VAX1: variants seen among roughly 807,000 people sequenced by gnomAD.
VAX1 encodes ventral anterior homeobox 1.
A neutral mutation model predicts 17.6 loss-of-function variants in VAX1; 6 were observed. The ratio of observed to expected loss-of-function variants is 0.34; its 90% CI spans 0.19 to 0.67. The LOEUF (loss-of-function observed/expected upper bound fraction) is 0.67, where lower values mean the gene tolerates loss of function less well. VAX1 is among the 30% of genes least tolerant of loss of function. The pLI, the probability that VAX1 is intolerant of heterozygous loss-of-function variation, is 0.69. For synonymous variants in VAX1, 256 were observed against 227.4 expected, an observed-to-expected ratio of 1.13 and a Z score of -1.13; for missense variants, 408 against 463.7, an observed-to-expected ratio of 0.88 and a Z score of 1.10.
In VAX1 at chr10:117,138,162, C is replaced by T. The variant is rs1854225237; in HGVS notation, c.-106G>A. ...AAAGAGGAAAAAGGGGACAAAACCC[C>T]CGACAACGCGGCCCGTACGCCCGGC... is the stretch of plus-strand genomic sequence containing the variant. On this transcript the variant is annotated 5_prime_UTR_variant, in exon 1 of 3. Transcript: ENST00000369206. The T allele has an allele frequency of 5.0e-6, 6 of 1,200,656 alleles. No homozygotes were observed. Among genetic ancestry groups the T allele is most frequent in the Admixed American group, 2.7e-5 (1 of 37,470 alleles). 74.4% of individuals were successfully genotyped at this position (1,200,656 alleles called of 1,614,324 possible).
Position 117,137,697 on chromosome 10 carries a change from A to G in VAX1, c.241+119T>C, listed in dbSNP as rs1231813419. 5.7e-6 allele frequency: 9 copies of G among 1,578,486 alleles called. No homozygotes were observed. Among genetic ancestry groups the G allele is most frequent in the Non-Finnish European group, 6.8e-6 (8 of 1,172,506 alleles). On this transcript the variant is annotated intron_variant, in intron 1 of 2. Transcript: ENST00000369206. The surrounding 1 kb of genome is among the most constrained non-coding windows in gnomAD (Gnocchi z 7.4). Reference sequence around the variant, plus strand: ...CGGACTCGGGGCGGGGAGGGCCAACAACTTTCTCCCAAGTCCCAGCCGGCA... The same window carrying G: ...CGGACTCGGGGCGGGGAGGGCCAACGACTTTCTCCCAAGTCCCAGCCGGCA...
chr10:117,136,183 G>A lies in VAX1; in HGVS notation c.429+289C>T, dbSNP rs965103851. 2.0e-5 allele frequency among the ~76,000 whole-genome samples: 3 copies of A among 152,238 alleles called. No homozygotes were observed. Among genetic ancestry groups the A allele is most frequent in the South Asian group, 2.1e-4 (1 of 4,834 alleles). On this transcript the variant is annotated intron_variant, in intron 2 of 2. Coordinates refer to ENST00000369206, the MANE Select transcript of VAX1 (RefSeq NM_001112704.2). The surrounding 1 kb of genome is among the most constrained non-coding windows in gnomAD (Gnocchi z 5.0). ...AAGCTCGAAGGAAATGCTCAAAACCGGGGGACAATAAAAATTCCAAAAGGA... is the reference window on the plus strand; with the variant it reads ...AAGCTCGAAGGAAATGCTCAAAACCAGGGGACAATAAAAATTCCAAAAGGA...
At chr10:117,132,050 G>A, downstream of VAX1, 1 of 679,492 alleles carries the variant, frequency 1.5e-6, no homozygotes, top group Non-Finnish European at 2.4e-6. This position sits in a 1 kb window ranked among gnomAD's most constrained non-coding sequence, Gnocchi z 4.9. Flanking sequence ...AGGAGGGTCT[G>A]AGGGGCCGAC....
downstream of VAX1, chr10:117,132,250 G>A (rs376529042): frequency 3.1e-6 from 5 of 1,613,976 alleles, no homozygotes; most frequent in Non-Finnish European, 3.4e-6. This position sits in a 1 kb window ranked among gnomAD's most constrained non-coding sequence, Gnocchi z 4.9. Context: ...TCCCCACGCC[G>A]AGACTCATCA....
In VAX1 at chr10:117,133,668, T is replaced by C. The variant is rs558179571; in HGVS notation, c.*340A>G. The C allele has an allele frequency of 4.9e-6, 5 of 1,029,088 alleles. No homozygotes were observed. The highest frequency in any genetic ancestry group is 8.7e-5 in the East Asian group (1 of 11,534). 63.7% of individuals were successfully genotyped at this position (1,029,088 alleles called of 1,614,324 possible). A position where few individuals can be genotyped will look rare whatever the true frequency, so the allele number is the denominator to read the frequency against. Reference sequence around the variant, plus strand: ...AGCCGCGGATCTAGAGCAAACGTCCTGTGCTTTGGAGTTAGAACCAGTCTT... The same window carrying C: ...AGCCGCGGATCTAGAGCAAACGTCCCGTGCTTTGGAGTTAGAACCAGTCTT... On this transcript the variant is annotated 3_prime_UTR_variant, in exon 3 of 3. Coordinates refer to ENST00000369206, the MANE Select transcript of VAX1 (RefSeq NM_001112704.2).
In VAX1 at chr10:117,134,616, AG is replaced by A; in HGVS notation, c.430-34del. The A allele has an allele frequency of 1.4e-6, 2 of 1,478,416 alleles. No individual in the cohort carries two copies. 91.6% of individuals were successfully genotyped at this position (1,478,416 alleles called of 1,614,324 possible). On this transcript the variant is annotated intron_variant, in intron 2 of 2. Coordinates refer to ENST00000369206, the MANE Select transcript of VAX1 (RefSeq NM_001112704.2). This position sits in a 1 kb window ranked among gnomAD's most constrained non-coding sequence, Gnocchi z 6.2. Reference sequence around the variant, plus strand: ...CCGGGGTGCGGGGAGAGTTGGAGAGAGGGGCAGGGAAGACCAGCGTCAAAGG... The same window carrying A: ...CCGGGGTGCGGGGAGAGTTGGAGAGAGGGCAGGGAAGACCAGCGTCAAAGG...
chr10:117,134,527 G>C lies in VAX1; in HGVS notation c.486C>G (p.Asp162Glu). Residue 162 changes from aspartate (D) to glutamate (E), a missense_variant, in exon 3 of 3, where the codon GAC becomes GAG. Asp to Glu is a conservative substitution (Grantham distance 45, BLOSUM62 2). Coordinates refer to ENST00000369206, the MANE Select transcript of VAX1 (RefSeq NM_001112704.2). The surrounding 1 kb of genome is among the most constrained non-coding windows in gnomAD (Gnocchi z 6.2). Reference sequence around the variant, plus strand: ...CCGACACCACCGAGCGTAGCTCCGAGTCCTTGCCCTGGTCCTTCTTCTGCT... The same window carrying C: ...CCGACACCACCGAGCGTAGCTCCGACTCCTTGCCCTGGTCCTTCTTCTGCT... ...RTKQKKDQGK[D>E]SELRSVVSET... 2 of 1,533,186 alleles carry C rather than the reference G, an allele frequency of 1.3e-6. No homozygotes were observed. Among genetic ancestry groups the C allele is most frequent in the Non-Finnish European group, 1.8e-6 (2 of 1,142,396 alleles). 95.0% of individuals were successfully genotyped at this position (1,533,186 alleles called of 1,614,324 possible).
At chr10:117,131,818 C>A (rs766403126), downstream of VAX1, 6 of 188,138 alleles carry the variant, frequency 3.2e-5, no homozygotes, top group Non-Finnish European at 6.5e-5. Flanking sequence ...GTCTCCTGCT[C>A]CTTCAAAGTT....
chr10:117,133,749 T>C lies in VAX1; in HGVS notation c.*259A>G. ...CATCAGGTTGACTAACTCGGGCATT[T>C]TTCCCAATTCTTTGGATCGCTCCTG... is the stretch of plus-strand genomic sequence containing the variant. On this transcript the variant is annotated 3_prime_UTR_variant, in exon 3 of 3. Transcript: ENST00000369206. 8.2e-7 allele frequency: 1 copy of C among 1,220,422 alleles called. No homozygotes were observed. The highest frequency in any genetic ancestry group is 4.0e-5 in the East Asian group (1 of 24,792). The allele number at this position is 1,220,422 out of a possible 1,614,324, so 75.6% of individuals were successfully genotyped here. A position where few individuals can be genotyped will look rare whatever the true frequency, so the allele number is the denominator to read the frequency against.
At position 117,138,196 on chromosome 10, in the gene VAX1, AG is replaced by A; in HGVS notation, c.-141del. On this transcript the variant is annotated 5_prime_UTR_variant, in exon 1 of 3. Coordinates refer to ENST00000369206, the MANE Select transcript of VAX1 (RefSeq NM_001112704.2). ...CGGCCCGTACGCCCGGCCCGGCGAC[AG>A]GCAAGGGGCAAGAATGAATGTCCCC... 9.6e-7 allele frequency: 1 copy of A among 1,045,042 alleles called. No homozygotes were observed. The highest frequency in any genetic ancestry group is 1.5e-5 in the South Asian group (1 of 66,600). The allele number at this position is 1,045,042 out of a possible 1,614,324, so 64.7% of individuals were successfully genotyped here.
Position 117,136,569 on chromosome 10 carries a change from T to C in VAX1, c.332A>G (p.Gln111Arg). The C allele has an allele frequency of 6.2e-7, 1 of 1,613,872 alleles. No homozygotes were observed. The highest frequency in any genetic ancestry group is 8.5e-7 in the Non-Finnish European group (1 of 1,180,026). The change falls in exon 2 of 3, where the codon CAG (glutamine) becomes CGG (arginine). Residue 111 changes from glutamine (Q) to arginine (R), a missense_variant. By Grantham distance (43) the Gln-to-Arg change is conservative. This residue lies in a region of VAX1 where 75 missense variants were observed against 116.1 expected (regional missense o/e 0.65). Transcript: ENST00000369206. This position sits in a 1 kb window ranked among gnomAD's most constrained non-coding sequence, Gnocchi z 5.0. ...KRTRTSFTAE[Q>R]LYRLEMEFQR... The stretch of plus-strand genomic sequence containing the variant: ...GAACTCCATCTCCAGCCGATAGAGC[T>C]GCTCCGCGGTGAAGGACGTGCGCGT...
downstream of VAX1, chr10:117,130,132 C>T (rs1346230798): frequency 2.0e-5 from 3 of 152,202 alleles, no homozygotes; most frequent in East Asian, 5.8e-4. Context: ...AGCTTACAAT[C>T]TTGGGTTCTG....
rs1443317614 is a variant in VAX1, at chr10:117,138,110, AG to A, written c.-55del. The A allele has an allele frequency of 1.6e-5, 2 of 123,466 alleles. No homozygotes were observed. Among genetic ancestry groups the A allele is most frequent in the African/African-American group, 2.5e-4 (1 of 3,986 alleles). The allele number at this position is 123,466 out of a possible 1,614,324, so 7.6% of individuals were successfully genotyped here. On this transcript the variant is annotated 5_prime_UTR_variant, in exon 1 of 3. Coordinates refer to ENST00000369206, the MANE Select transcript of VAX1 (RefSeq NM_001112704.2). ...GAAAAAAAAAGCAAAAAAAAAAAAA[AG>A]GGGGGGGGGCGGAGAAGGAAAAAAA...
chr10:117,137,803 T>C lies in VAX1; in HGVS notation c.241+13A>G. The C allele has an allele frequency of 6.2e-7, 1 of 1,611,144 alleles. No homozygotes were observed. The highest frequency in any genetic ancestry group is 1.1e-5 in the South Asian group (1 of 90,958). ...CCCCAAAGAACGCGCCTGGCAGCCC[T>C]GCCCATCCCTACCTCGGACCAGGAT... is the stretch of plus-strand genomic sequence containing the variant. On this transcript the variant is annotated intron_variant, in intron 1 of 2. Transcript: ENST00000369206. The surrounding 1 kb of genome is among the most constrained non-coding windows in gnomAD (Gnocchi z 7.4).
chr10:117,138,129 G>C lies in VAX1; in HGVS notation c.-73C>G. 2.0e-6 allele frequency: 1 copy of C among 498,184 alleles called. No homozygotes were observed. Among genetic ancestry groups the C allele is most frequent in the Non-Finnish European group, 3.1e-6 (1 of 320,764 alleles). 30.9% of individuals were successfully genotyped at this position (498,184 alleles called of 1,614,324 possible). On this transcript the variant is annotated 5_prime_UTR_variant, in exon 1 of 3. Coordinates refer to ENST00000369206, the MANE Select transcript of VAX1 (RefSeq NM_001112704.2). ...AAAAAAAGGGGGGGGGGCGGAGAAGGAAAAAAAAAAGAGGAAAAAGGGGAC... is the reference window on the plus strand; with the variant it reads ...AAAAAAAGGGGGGGGGGCGGAGAAGCAAAAAAAAAAGAGGAAAAAGGGGAC...
downstream of VAX1, chr10:117,132,577 G>T: frequency 7.3e-7 from 1 of 1,360,548 alleles, no homozygotes; most frequent in Non-Finnish European, 1.0e-6. This position sits in a 1 kb window ranked among gnomAD's most constrained non-coding sequence, Gnocchi z 4.9. Flanking sequence ...GCTTGCTTCA[G>T]ATGGATGAAT....
chr10:117,131,878 C>A (rs1589945025), downstream of VAX1: 1 of 304,008 alleles, frequency 3.3e-6, no homozygotes, highest in Non-Finnish European at 5.9e-6. Context: ...GAAAATAAAA[C>A]CTTGCCTATT....
At position 117,133,604 on chromosome 10, in the gene VAX1, ATATTCC is replaced by A; in HGVS notation, c.*398_*403del. 2 of 988,938 alleles carry A rather than the reference ATATTCC, an allele frequency of 2.0e-6. No individual in the cohort carries two copies. Among genetic ancestry groups the A allele is most frequent in the Non-Finnish European group, 2.4e-6 (2 of 832,416 alleles). The allele number at this position is 988,938 out of a possible 1,614,324, so 61.3% of individuals were successfully genotyped here. A position where few individuals can be genotyped will look rare whatever the true frequency, so the allele number is the denominator to read the frequency against. On this transcript the variant is annotated 3_prime_UTR_variant, in exon 3 of 3. Transcript: ENST00000369206. ...TCTGCGCGCAGTTTTCCTCTTTCAA[ATATTCC>A]TAGGAATAGTCGGCAGCGGCAGCAG...
chr10:117,131,429 A>G (rs549751830), downstream of VAX1: 1 of 152,378 alleles, frequency 6.6e-6, no homozygotes, highest in South Asian at 2.1e-4. Context: ...GGCTGCTGTG[A>G]TCTCAGCAAA....
Sources: gnomAD v4.1 joint callset for allele counts (sites outside exome capture counted in the v4.1 genomes callset) on GRCh38, gnomAD v4.1.1 for gene constraint, gnomAD v4.1.1 regional missense constraint, Gnocchi (gnomAD v3.1) non-coding constraint, MANE v1.5 for transcripts, NCBI Gene and HGNC (gene_info 2026-07-23, HGNC 2026-07-21) for gene names.